Variants in PELI2 observed in about 807,000 individuals in gnomAD.
The protein encoded by PELI2 is E3 ubiquitin-protein ligase pellino homolog 2.
In PELI2, 23 loss-of-function variants were observed where a neutral mutation model predicts 42.3. That is an observed-to-expected ratio of 0.54 (90% CI 0.39 to 0.77). PELI2 has a LOEUF of 0.77. Ranked by LOEUF, PELI2 falls within the 30% of genes least tolerant of loss-of-function variation. PELI2 has a pLI of 0.00. For missense variants in PELI2, 463 were observed against 553.2 expected, an observed-to-expected ratio of 0.84 and a Z score of 1.64; for synonymous variants, 245 against 212.2, an observed-to-expected ratio of 1.15 and a Z score of -1.34.
At chr14:56,156,594 G>A (rs1884575584) in intron 1 of PELI2, among the ~76,000 whole-genome samples, 1 of 152,156 alleles carries the variant, frequency 6.6e-6, no homozygotes, top group Admixed American at 6.5e-5. Context: ...ATCTATACCA[G>A]CACTGTCCAG....
At position 56,297,397 on chromosome 14, in the gene PELI2, A is replaced by G. The variant is rs1890045900; in HGVS notation, c.*231A>G. On this transcript the variant is annotated 3_prime_UTR_variant, in exon 6 of 6. Transcript: ENST00000267460. The stretch of plus-strand genomic sequence containing the variant: ...TTGAAGTCTGCTTGATTAAACCATA[A>G]TATCTTTGTAATAATTGGATTTAAA... 3 of 430,664 alleles carry G rather than the reference A, an allele frequency of 7.0e-6. No individual in the cohort carries two copies. The highest frequency in any genetic ancestry group is 7.6e-5 in the Admixed American group (2 of 26,370). The allele number at this position is 430,664 out of a possible 1,614,324, so 26.7% of individuals were successfully genotyped here.
At chr14:56,184,129 A>T (rs533358723) in intron 2 of PELI2, among the ~76,000 whole-genome samples, 2 of 152,254 alleles carry the variant, frequency 1.3e-5, no homozygotes, top group Non-Finnish European at 2.9e-5. Context: ...GGTCAGCCGA[A>T]GATGGGAATA....
rs1037898191 is a variant in PELI2, at chr14:56,142,656, T to C, written c.77+23919T>C. The stretch of plus-strand genomic sequence containing the variant: ...AGGCCAGTTTAGTTCCTTTTCATTG[T>C]AAATAAATAGGATGAGGTTATGGCA... On this transcript the variant is annotated intron_variant, in intron 1 of 5. Coordinates refer to ENST00000267460, the MANE Select transcript of PELI2 (RefSeq NM_021255.3). 2.0e-5 allele frequency among the ~76,000 whole-genome samples: 3 copies of C among 149,476 alleles called. No homozygotes were observed. The East Asian group carries it at 5.9e-4, about 30-fold the overall frequency.
chr14:56,276,649 A>G (rs949627575), intron 2 of PELI2, among the ~76,000 whole-genome samples: 2 of 152,122 alleles, frequency 1.3e-5, no homozygotes, highest in Non-Finnish European at 2.9e-5. Flanking sequence ...CCCCACCTTC[A>G]TGGGATTTGT....
chr14:56,220,568 A>T (rs1419491846), intron 2 of PELI2, among the ~76,000 whole-genome samples: 4 of 152,222 alleles, frequency 2.6e-5, no homozygotes, highest in African/African-American at 9.6e-5. Context: ...TTGTGCCAAA[A>T]AATCATGAGA....
At chr14:56,138,403 T>C (rs1413010759) in intron 1 of PELI2, among the ~76,000 whole-genome samples, 1 of 152,162 alleles carries the variant, frequency 6.6e-6, no homozygotes, top group African/African-American at 2.4e-5. Flanking sequence ...GATTTGAGCA[T>C]TTCCTCTCTT....
intron 2 of PELI2, among the ~76,000 whole-genome samples, chr14:56,264,334 C>G (rs146333370): frequency 2.0e-4 from 31 of 152,254 alleles, no homozygotes; most frequent in Non-Finnish European, 3.2e-4. Context: ...ATGTACCGTA[C>G]AGAGAAACTA....
intron 2 of PELI2, among the ~76,000 whole-genome samples, chr14:56,232,679 T>C (rs1887632330): frequency 1.3e-5 from 2 of 150,536 alleles, no homozygotes; most frequent in African/African-American, 2.4e-5. Context: ...ACTGGAAGCA[T>C]TCCCTTTGAA....
chr14:56,248,552 G>A (rs1402598535), intron 2 of PELI2, among the ~76,000 whole-genome samples: 1 of 152,078 alleles, frequency 6.6e-6, no homozygotes, highest in African/African-American at 2.4e-5. Flanking sequence ...TGGTGGAGAG[G>A]CACAGGAGAA....
chr14:56,141,154 T>C (rs527665593), intron 1 of PELI2, among the ~76,000 whole-genome samples: 1 of 152,214 alleles, frequency 6.6e-6, no homozygotes, highest in South Asian at 2.1e-4. Context: ...TTCCGTTGCA[T>C]AGATGAAACT....
intron 1 of PELI2, among the ~76,000 whole-genome samples, chr14:56,164,328 A>G (rs528254261): frequency 7.2e-5 from 11 of 152,240 alleles, no homozygotes; most frequent in African/African-American, 2.6e-4. Flanking sequence ...TTGTGTTGAT[A>G]CAGTGTATCA....
At chr14:56,218,065 C>A (rs536324004) in intron 2 of PELI2, among the ~76,000 whole-genome samples, 2 of 152,188 alleles carry the variant, frequency 1.3e-5, no homozygotes, top group Non-Finnish European at 2.9e-5. Flanking sequence ...AATGAGGACA[C>A]CTGCTCAACA....
In PELI2 at chr14:56,206,819, CA is replaced by C. The variant is rs550033534; in HGVS notation, c.207+28357del. The stretch of plus-strand genomic sequence containing the variant: ...GTTAACCTTTGATATGGAACTCTGT[CA>C]AGTATTTTCTGAATTCCAAGATCAC... On this transcript the variant is annotated intron_variant, in intron 2 of 5. Transcript: ENST00000267460. 1.0e-3 allele frequency among the ~76,000 whole-genome samples: 157 copies of C among 152,202 alleles called. 2 individuals carry two copies. In the South Asian group the frequency reaches 0.032, roughly 31 times the overall value.
intron 2 of PELI2, among the ~76,000 whole-genome samples, chr14:56,186,492 G>T (rs892938726): frequency 3.9e-5 from 6 of 152,116 alleles, no homozygotes; most frequent in Admixed American, 1.3e-4. Context: ...AAGTTTTGTG[G>T]TAATTTGTTA....
rs141589436 is a variant in PELI2 at position 56,268,948 on chromosome 14, G to C, written c.208-10728G>C. The stretch of plus-strand genomic sequence containing the variant: ...CATCAGAGTCTGCATTAAAGTGTGT[G>C]CTTTCAAAACTGAGACGAAAAGGCA... On this transcript the variant is annotated intron_variant, in intron 2 of 5. Transcript: ENST00000267460. Among the ~76,000 whole-genome samples the C allele has an allele frequency of 6.9e-3, 1,050 of 152,258 alleles. 6 individuals carry two copies. The highest frequency in any genetic ancestry group is 0.02 in the African/African-American group (843 of 41,534).
At chr14:56,193,010 G>A (rs1379939751) in intron 2 of PELI2, among the ~76,000 whole-genome samples, 10 of 152,198 alleles carry the variant, frequency 6.6e-5, no homozygotes, top group Admixed American at 6.5e-4. Flanking sequence ...CAAAGTGAAT[G>A]CATATCTGAC....
At chr14:56,272,940 T>C (rs1192153031) in intron 2 of PELI2, among the ~76,000 whole-genome samples, 1 of 152,326 alleles carries the variant, frequency 6.6e-6, no homozygotes, top group Non-Finnish European at 1.5e-5. Context: ...TAAGATTTTT[T>C]AAAAAGTGCT....
chr14:56,258,544 T>A (rs1777403929), intron 2 of PELI2, among the ~76,000 whole-genome samples: 1 of 150,618 alleles, frequency 6.6e-6, no homozygotes, highest in Non-Finnish European at 1.5e-5. Flanking sequence ...GTTCAAGTGA[T>A]GAAACTTCTG....
chr14:56,288,558 T>C lies in PELI2; in HGVS notation c.431T>C (p.Val144Ala). 1 of 1,614,136 alleles carries C rather than the reference T, an allele frequency of 6.2e-7. No individual in the cohort carries two copies. Among genetic ancestry groups the C allele is most frequent in the Non-Finnish European group, 8.5e-7 (1 of 1,179,982 alleles). Residue 144 changes from valine to alanine, a missense_variant, in exon 4 of 6, where the codon GTG (valine) becomes GCG (alanine). This residue lies in a region of PELI2 where 343 missense variants were observed against 378.4 expected (regional missense o/e 0.91). Transcript: ENST00000267460. This position sits in a 1 kb window ranked among gnomAD's most constrained non-coding sequence, Gnocchi z 4.6. ...ATATCCAGGTTCGCCTGCAGGATCG[T>C]GTGCGACAGGAATGAACCTTACACA... Reference protein sequence around the residue: ...STISRFACRIVCDRNEPYTAR... With the variant: ...STISRFACRIACDRNEPYTAR...
Sources: allele counts gnomAD v4.1 joint callset (sites outside exome capture counted in the v4.1 genomes callset), GRCh38; gene constraint gnomAD v4.1.1; regional missense constraint gnomAD v4.1.1; non-coding constraint Gnocchi (gnomAD v3.1); transcripts MANE v1.5; gene names NCBI Gene and HGNC (gene_info 2026-07-23, HGNC 2026-07-21).